Variants in SATB2 observed in about 807,000 individuals in gnomAD.
SATB2 encodes DNA-binding protein SATB2.
A neutral mutation model predicts 73.4 loss-of-function variants in SATB2; 1 was observed. That is an observed-to-expected ratio of 0.01 (90% CI 0.00 to 0.06). The LOEUF (loss-of-function observed/expected upper bound fraction) is 0.06, where lower values mean the gene tolerates loss of function less well. Ranked by LOEUF, SATB2 falls within the 10% of genes least tolerant of loss-of-function variation. The pLI, the probability that SATB2 is intolerant of heterozygous loss-of-function variation, is 1.00. For synonymous variants in SATB2, 397 were observed against 367.0 expected (o/e 1.08, Z -0.93); for missense variants, 459 against 945.8 (o/e 0.49, Z 6.75).
At chr2:199,399,564 T>C (rs536332353) in intron 3 of SATB2, among the ~76,000 whole-genome samples, 1 of 152,320 alleles carries the variant, frequency 6.6e-6, no homozygotes, top group East Asian at 1.9e-4. Context: ...GGGTAATCTA[T>C]AAAGAAAAAA....
chr2:199,364,609 T>A (rs988143967), intron 6 of SATB2, among the ~76,000 whole-genome samples: 1 of 152,010 alleles, frequency 6.6e-6, no homozygotes, highest in Non-Finnish European at 1.5e-5. Context: ...AAATACAGGG[T>A]TTGGTTAGGT....
chr2:199,455,952 A>C lies in SATB2; in HGVS notation c.86T>G (p.Val29Gly). The change falls in exon 2 of 11, where the codon GTG becomes GGG. Residue 29 changes from valine (V) to glycine (G), a missense_variant. Val to Gly is a moderately radical substitution (Grantham distance 109). Coordinates refer to ENST00000417098, the MANE Select transcript of SATB2 (RefSeq NM_001172509.2). This position sits in a 1 kb window ranked among gnomAD's most constrained non-coding sequence, Gnocchi z 4.1. ...GSPDVKGPPPVKVARLEQNGS... is the reference protein window; with the variant it reads ...GSPDVKGPPPGKVARLEQNGS... Reference sequence around the variant, plus strand: ...GTTCTGCTCCAGCCGGGCCACCTTCACTGGGGGAGGCCCCTTGACGTCCGG... The same window carrying C: ...GTTCTGCTCCAGCCGGGCCACCTTCCCTGGGGGAGGCCCCTTGACGTCCGG... 6.5e-7 allele frequency: 1 copy of C among 1,538,306 alleles called. No homozygotes were observed. The highest frequency in any genetic ancestry group is 1.2e-5 in the South Asian group (1 of 84,048).
chr2:199,334,575 AG>A (rs1688282586), intron 7 of SATB2, among the ~76,000 whole-genome samples: 1 of 152,042 alleles, frequency 6.6e-6, no homozygotes. Flanking sequence ...AAAAAAAAAA[AG>A]GTTCCTTCCA....
In SATB2 at chr2:199,308,726, G is replaced by C. The variant is rs371725327; in HGVS notation, c.1740+34C>G. ...AGCTACTGCTGGCACACAGAGCCCT[G>C]ATCAGGTGGGGTACGGCGGTCGGGG... On this transcript the variant is annotated intron_variant, in intron 10 of 10. Transcript: ENST00000417098. This position sits in a 1 kb window ranked among gnomAD's most constrained non-coding sequence, Gnocchi z 4.6. 1 of 1,592,710 alleles carries C rather than the reference G, an allele frequency of 6.3e-7. No homozygotes were observed. Among genetic ancestry groups the C allele is most frequent in the Non-Finnish European group, 8.6e-7 (1 of 1,161,032 alleles).
Position 199,425,329 on chromosome 2 carries a change from C to G in SATB2, c.346+8009G>C, listed in dbSNP as rs1322936512. ...ATGCCTAAGCTCTGGAGAAGAAGGA[C>G]TTTAGGCAGTTTAAAAAATATATCA... On this transcript the variant is annotated intron_variant, in intron 3 of 10. Coordinates refer to ENST00000417098, the MANE Select transcript of SATB2 (RefSeq NM_001172509.2). Among the ~76,000 whole-genome samples the G allele has an allele frequency of 2.6e-5, 4 of 152,198 alleles. No individual in the cohort carries two copies. In the East Asian group the frequency reaches 5.8e-4, roughly 22 times the overall value.
At chr2:199,288,982 A>G (rs1692768258) in intron 10 of SATB2, among the ~76,000 whole-genome samples, 1 of 152,142 alleles carries the variant, frequency 6.6e-6, no homozygotes, top group African/African-American at 2.4e-5. Context: ...CATAGCCTTT[A>G]GTTTTCAACT....
intron 3 of SATB2, among the ~76,000 whole-genome samples, chr2:199,418,865 A>G (rs1242612647): frequency 6.6e-6 from 1 of 152,116 alleles, no homozygotes; most frequent in Non-Finnish European, 1.5e-5. Context: ...TCTTTGACCC[A>G]AAGATCTGGT....
intron 9 of SATB2, among the ~76,000 whole-genome samples, chr2:199,310,188 T>C (rs1465198279): frequency 6.6e-6 from 1 of 152,230 alleles, no homozygotes; most frequent in Non-Finnish European, 1.5e-5. Flanking sequence ...CAGGCCCATC[T>C]GCAGCAGCTG....
At chr2:199,466,911 T>C (rs1273527113), upstream of SATB2, among the ~76,000 whole-genome samples, 1 of 152,264 alleles carries the variant, frequency 6.6e-6, no homozygotes, top group Non-Finnish European at 1.5e-5. Context: ...CAAGAAGTGA[T>C]TTGTCTGTTT....
At chr2:199,370,490 G>A (rs1689410934) in intron 5 of SATB2, among the ~76,000 whole-genome samples, 1 of 152,068 alleles carries the variant, frequency 6.6e-6, no homozygotes. Context: ...TTTATCCTCT[G>A]GAAAGGCACA....
chr2:199,283,084 CTT>C (rs1159061582), intron 10 of SATB2, among the ~76,000 whole-genome samples: 15 of 140,476 alleles, frequency 1.1e-4, no homozygotes, highest in Admixed American at 7.2e-5. Flanking sequence ...TAAACATAAA[CTT>C]TTTTTTTTTT....
upstream of SATB2, among the ~76,000 whole-genome samples, chr2:199,462,148 C>G (rs967269764): frequency 2.0e-5 from 3 of 152,218 alleles, no homozygotes; most frequent in Non-Finnish European, 2.9e-5. The surrounding 1 kb of genome is among the most constrained non-coding windows in gnomAD (Gnocchi z 5.9). Flanking sequence ...CGTTTTCCCT[C>G]AACCCTGGAA....
intron 10 of SATB2, among the ~76,000 whole-genome samples, chr2:199,277,287 T>C (rs534741553): frequency 6.6e-6 from 1 of 152,296 alleles, no homozygotes; most frequent in African/African-American, 2.4e-5. Context: ...TAAAAGATTA[T>C]CAAACTGTAC....
chr2:199,397,789 T>A (rs1398370043), intron 3 of SATB2: 1 of 423,562 alleles, frequency 2.4e-6, no homozygotes, highest in Non-Finnish European at 4.7e-6. Flanking sequence ...CTCCGGAGGC[T>A]GAGGTGGGAG....
intron 7 of SATB2, among the ~76,000 whole-genome samples, chr2:199,339,314 T>A (rs1355126090): frequency 1.3e-5 from 2 of 152,200 alleles, no homozygotes; most frequent in Non-Finnish European, 2.9e-5. Context: ...TTTGAGACAC[T>A]GCTATCCTGG....
intron 10 of SATB2, among the ~76,000 whole-genome samples, chr2:199,293,386 C>A (rs1020831988): frequency 6.6e-6 from 1 of 152,028 alleles, no homozygotes; most frequent in Non-Finnish European, 1.5e-5. Flanking sequence ...TAATCAAAAA[C>A]TCGAGTAGCC....
At chr2:199,344,343 A>G (rs184169693) in intron 7 of SATB2, among the ~76,000 whole-genome samples, 109 of 152,268 alleles carry the variant, frequency 7.2e-4, no homozygotes, top group African/African-American at 2.5e-3. Flanking sequence ...GTAGTATGCA[A>G]CAGACTTTCT....
chr2:199,453,574 A>C (rs988622175), intron 2 of SATB2, among the ~76,000 whole-genome samples: 1 of 152,056 alleles, frequency 6.6e-6, no homozygotes, highest in Non-Finnish European at 1.5e-5. Context: ...TGTATTTTAA[A>C]CATTTTTTAA....
intron 6 of SATB2, among the ~76,000 whole-genome samples, chr2:199,350,429 G>A (rs1688781825): frequency 6.6e-6 from 1 of 152,104 alleles, no homozygotes; most frequent in Non-Finnish European, 1.5e-5. Flanking sequence ...TGAAAACAGG[G>A]GAGTTGGTGA....
Sources: allele counts gnomAD v4.1 joint callset (sites outside exome capture counted in the v4.1 genomes callset), GRCh38; gene constraint gnomAD v4.1.1; non-coding constraint Gnocchi (gnomAD v3.1); transcripts MANE v1.5; gene names NCBI Gene and HGNC (gene_info 2026-07-23, HGNC 2026-07-21).